The following ADAM32 variants were observed in gnomAD, a reference collection of about 807,000 sequenced individuals.
ADAM32 encodes disintegrin and metalloproteinase domain-containing protein 32.
In ADAM32, 89 loss-of-function variants were observed where a neutral mutation model predicts 114.9. That is an observed-to-expected ratio of 0.77 (90% CI 0.65 to 0.92). The LOEUF (loss-of-function observed/expected upper bound fraction) is 0.92. Among genes scored for constraint, ADAM32 ranks in the 40% least tolerant of loss-of-function variants. The pLI is 0.00. For synonymous variants in ADAM32, 285 were observed against 307.5 expected (o/e 0.93, Z 0.77); for missense variants, 870 against 932.8 (o/e 0.93, Z 0.88).
At chr8:39,139,234 T>A (rs1035537271) in intron 3 of ADAM32, among the ~76,000 whole-genome samples, 2 of 152,198 alleles carry the variant, frequency 1.3e-5, no homozygotes, top group East Asian at 3.9e-4. Flanking sequence ...GGTGTTGTAG[T>A]TGTGAAGTCT....
At chr8:39,262,233 A>T (rs1248897678) in intron 19 of ADAM32, among the ~76,000 whole-genome samples, 3 of 150,246 alleles carry the variant, frequency 2.0e-5, no homozygotes, top group Admixed American at 6.6e-5. Context: ...ATAGATTGAG[A>T]GGTAGGGGTC....
chr8:39,246,976 T>C (rs547162601), intron 17 of ADAM32, among the ~76,000 whole-genome samples: 1 of 152,192 alleles, frequency 6.6e-6, no homozygotes, highest in African/African-American at 2.4e-5. Context: ...CAGATTGGTT[T>C]CTTTCACTTA....
intron 9 of ADAM32, chr8:39,167,381 T>C (rs1428042074): frequency 6.6e-6 from 1 of 152,220 alleles, no homozygotes; most frequent in East Asian, 1.9e-4. Context: ...CTGGGTTCTC[T>C]ATTCTGTTCC....
chr8:39,262,383 T>A (rs911348162), intron 19 of ADAM32, among the ~76,000 whole-genome samples: 2 of 152,218 alleles, frequency 1.3e-5, no homozygotes, highest in African/African-American at 4.8e-5. Context: ...TTCTGTGTAC[T>A]CTATTCTGTT....
chr8:39,199,706 T>G (rs1449154074), intron 11 of ADAM32, among the ~76,000 whole-genome samples: 1 of 152,138 alleles, frequency 6.6e-6, no homozygotes, highest in Non-Finnish European at 1.5e-5. Context: ...TGTGCCATGT[T>G]GGTGTGCTGC....
chr8:39,150,390 G>A (rs919403592), intron 5 of ADAM32, among the ~76,000 whole-genome samples: 2 of 152,062 alleles, frequency 1.3e-5, no homozygotes, highest in African/African-American at 4.8e-5. Flanking sequence ...ATGTATTTAT[G>A]TTACCCACCA....
intron 16 of ADAM32, among the ~76,000 whole-genome samples, 156 bp from the exon 17 acceptor site, chr8:39,245,926 AT>A (rs940327949): frequency 1.3e-5 from 2 of 152,228 alleles, no homozygotes; most frequent in East Asian, 1.9e-4. Flanking sequence ...TGCAAAAAAA[AT>A]AAAACACCCT....
At chr8:39,236,461 C>T (rs1408899569) in intron 16 of ADAM32, among the ~76,000 whole-genome samples, 1 of 151,856 alleles carries the variant, frequency 6.6e-6, no homozygotes, top group African/African-American at 2.4e-5. Flanking sequence ...CACTTTTCTG[C>T]CCTGAATCAT....
chr8:39,115,938 T>A (rs983395318), intron 1 of ADAM32, among the ~76,000 whole-genome samples: 2 of 152,226 alleles, frequency 1.3e-5, no homozygotes, highest in Non-Finnish European at 1.5e-5. Context: ...AAGGTTCAGT[T>A]GCAGTCTTCT....
At chr8:39,201,724 T>C in intron 11 of ADAM32, among the ~76,000 whole-genome samples, 1 of 152,224 alleles carries the variant, frequency 6.6e-6, no homozygotes, top group East Asian at 1.9e-4. Flanking sequence ...AAGAGAATGC[T>C]TCCAGTTTTT....
chr8:39,280,324 C>A (rs1022625117), intron 22 of ADAM32, among the ~76,000 whole-genome samples: 2 of 152,056 alleles, frequency 1.3e-5, no homozygotes, highest in African/African-American at 4.8e-5. Context: ...GACTGTCAAT[C>A]TTAGTTATGC....
chr8:39,223,182 G>A lies in ADAM32; in HGVS notation c.1469G>A (p.Cys490Tyr). 6.3e-7 allele frequency: 1 copy of A among 1,599,214 alleles called. No individual in the cohort carries two copies. The part of the protein sequence containing the change: ...GLSCKNNKFI[C>Y]YDGDCHDLDA... ...TCATGCAAAAATAATAAGTTTATTT[G>A]TTATGACGGAGACTGCCATGATCTC... The change falls in exon 14 of 25, where the codon TGT (cysteine) becomes TAT (tyrosine). Residue 490 changes from cysteine to tyrosine, a missense_variant. Coordinates refer to ENST00000379907, the MANE Select transcript of ADAM32 (RefSeq NM_145004.7).
intron 19 of ADAM32, among the ~76,000 whole-genome samples, chr8:39,257,996 A>C (rs939767691): frequency 6.6e-6 from 1 of 152,100 alleles, no homozygotes; most frequent in African/African-American, 2.4e-5. Context: ...ATGTTTGTGT[A>C]TCTTACATGT....
intron 16 of ADAM32, among the ~76,000 whole-genome samples, chr8:39,244,757 G>A (rs973394235): frequency 4.6e-5 from 7 of 152,108 alleles, no homozygotes; most frequent in Non-Finnish European, 8.8e-5. Flanking sequence ...GTTAAATGAC[G>A]AGTTAATGGG....
intron 2 of ADAM32, among the ~76,000 whole-genome samples, chr8:39,132,352 A>G (rs1197228454): frequency 2.0e-5 from 3 of 152,224 alleles, no homozygotes; most frequent in South Asian, 2.1e-4. Context: ...GTGGTGATCC[A>G]GGTATTATAA....
intron 6 of ADAM32, chr8:39,157,574 G>C (rs1804218152): frequency 9.4e-6 from 5 of 532,328 alleles, no homozygotes; most frequent in Admixed American, 6.5e-5. Flanking sequence ...GGTCTTTCTT[G>C]AGTGGTCCCA....
rs181872005 is a variant in ADAM32, at chr8:39,132,272, A to G, written c.139-4385A>G. Among the ~76,000 whole-genome samples, 3 of 152,358 alleles carry G rather than the reference A, an allele frequency of 2.0e-5. No homozygotes were observed. The East Asian group carries it at 5.8e-4, about 29-fold the overall frequency. ...TGGTTTGGATTTCTAGATCATTTGC[A>G]TCAAATATAGGTATTTATATGGTTG... On this transcript the variant is annotated intron_variant, in intron 2 of 24. Coordinates refer to ENST00000379907, the MANE Select transcript of ADAM32 (RefSeq NM_145004.7).
intron 1 of ADAM32, among the ~76,000 whole-genome samples, chr8:39,112,161 G>A (rs1453510706): frequency 1.3e-5 from 2 of 152,084 alleles, no homozygotes; most frequent in Admixed American, 6.6e-5. Flanking sequence ...TTAACAGTTT[G>A]ATGGTACTCT....
intron 19 of ADAM32, among the ~76,000 whole-genome samples, chr8:39,265,107 C>T (rs1324634028): frequency 6.6e-6 from 1 of 152,168 alleles, no homozygotes; most frequent in African/African-American, 2.4e-5. Flanking sequence ...AATAGTCTCC[C>T]ACACTATTAT....
Sources: gnomAD v4.1 joint callset for allele counts (sites outside exome capture counted in the v4.1 genomes callset) on GRCh38, gnomAD v4.1.1 for gene constraint, MANE v1.5 for transcripts, NCBI Gene and HGNC (gene_info 2026-07-23, HGNC 2026-07-21) for gene names.